Variants in ERC2 observed in about 807,000 individuals in gnomAD.
ERC2 encodes ELKS/RAB6-interacting/CAST family member 2.
Under a neutral mutation model 114.8 loss-of-function variants are expected in ERC2, and 42 were observed. The observed-to-expected ratio is 0.37, with a 90% CI of 0.29 to 0.47. The LOEUF (loss-of-function observed/expected upper bound fraction) is 0.47, where lower values mean the gene tolerates loss of function less well. ERC2 is among the 20% of genes least tolerant of loss of function. The pLI is 0.99. For synonymous variants in ERC2, 454 were observed against 425.5 expected (o/e 1.07, Z -0.82); for missense variants, 939 against 1,150.7 (o/e 0.82, Z 2.66).
At chr3:55,627,296 C>T (rs1177244525) in intron 17 of ERC2, among the ~76,000 whole-genome samples, 4 of 151,982 alleles carry the variant, frequency 2.6e-5, no homozygotes, top group African/African-American at 7.2e-5. Context: ...GGTGAAACCC[C>T]ATCTCTACAA....
intron 3 of ERC2, among the ~76,000 whole-genome samples, chr3:56,236,336 T>C (rs2050945256): frequency 6.6e-6 from 1 of 152,200 alleles, no homozygotes; most frequent in Non-Finnish European, 1.5e-5. Context: ...ATCAACTTTT[T>C]TTCCTCTCCA....
intron 6 of ERC2, among the ~76,000 whole-genome samples, chr3:56,130,341 A>T (rs527821062): frequency 6.6e-6 from 1 of 152,286 alleles, no homozygotes; most frequent in South Asian, 2.1e-4. Flanking sequence ...GGACGAATTC[A>T]TGTACACCCA....
At chr3:55,668,813 T>C (rs988252326) in intron 17 of ERC2, among the ~76,000 whole-genome samples, 2 of 152,160 alleles carry the variant, frequency 1.3e-5, no homozygotes, top group African/African-American at 4.8e-5. Context: ...GAACCTCACA[T>C]TGAGAGATGA....
chr3:56,283,341 C>T (rs528113965), intron 3 of ERC2, among the ~76,000 whole-genome samples: 29 of 152,278 alleles, frequency 1.9e-4, no homozygotes, highest in African/African-American at 7.0e-4. Flanking sequence ...CATTAAGAGT[C>T]ATTTCTCGGC....
At chr3:55,765,055 C>T (rs2067682715) in intron 14 of ERC2, among the ~76,000 whole-genome samples, 1 of 152,150 alleles carries the variant, frequency 6.6e-6, no homozygotes, top group African/African-American at 2.4e-5. Flanking sequence ...TTTAATCCAA[C>T]AGGAGATCGC....
At chr3:55,771,963 T>C (rs980868747) in intron 14 of ERC2, among the ~76,000 whole-genome samples, 1 of 152,088 alleles carries the variant, frequency 6.6e-6, no homozygotes, top group Admixed American at 6.5e-5. Flanking sequence ...GAAATATCCA[T>C]CAGCGACCTG....
intron 3 of ERC2, among the ~76,000 whole-genome samples, chr3:56,215,921 A>T (rs2049437536): frequency 1.3e-5 from 2 of 152,376 alleles, no homozygotes; most frequent in East Asian, 3.9e-4. Context: ...TGAAGGCAGA[A>T]ATAAAGATGT....
At chr3:56,332,365 A>G (rs1284221148) in intron 2 of ERC2, among the ~76,000 whole-genome samples, 1 of 152,172 alleles carries the variant, frequency 6.6e-6, no homozygotes, top group Non-Finnish European at 1.5e-5. Context: ...TTTGTTACTG[A>G]ACACCTGCTG....
chr3:56,284,619 G>A (rs552220817), intron 3 of ERC2, among the ~76,000 whole-genome samples: 5 of 152,256 alleles, frequency 3.3e-5, no homozygotes, highest in African/African-American at 1.2e-4. Flanking sequence ...AGACACAAAG[G>A]CCATTTAGGG....
rs1213726007 is a variant in ERC2 at position 55,813,704 on chromosome 3, C to CA, written c.2564+74684dup. Among the ~76,000 whole-genome samples, 4 of 152,202 alleles carry CA rather than the reference C, an allele frequency of 2.6e-5. No individual in the cohort carries two copies. The East Asian group carries it at 7.7e-4, about 29-fold the overall frequency. On this transcript the variant is annotated intron_variant, in intron 14 of 17. Transcript: ENST00000288221. ...ATGAAGAAATAAAAATTATGTAACA[C>CA]AAAAATGTTCAGCATGTGTAAATAG...
chr3:55,733,451 TTCTCTCTC>T (rs369451798), intron 15 of ERC2, among the ~76,000 whole-genome samples: 2 of 96,502 alleles, frequency 2.1e-5, no homozygotes, highest in Admixed American at 1.0e-4. Flanking sequence ...CTGTCTCTCA[TTCTCTCTC>T]TCTCTCACAC....
At chr3:55,733,531 T>TCTCTCTCTC (rs1559567330) in intron 15 of ERC2, among the ~76,000 whole-genome samples, 1 of 58,522 alleles carries the variant, frequency 1.7e-5, no homozygotes, top group African/African-American at 4.3e-5. Flanking sequence ...CTCTCATTCT[T>TCTCTCTCTC]TCTCTCTCTC....
chr3:56,078,103 C>T (rs2077061009), intron 7 of ERC2, among the ~76,000 whole-genome samples: 1 of 152,180 alleles, frequency 6.6e-6, no homozygotes, highest in South Asian at 2.1e-4. Flanking sequence ...TCCCACGTAT[C>T]CTAGACAGCC....
At chr3:55,919,062 C>G (rs1398968261) in intron 13 of ERC2, among the ~76,000 whole-genome samples, 1 of 152,038 alleles carries the variant, frequency 6.6e-6, no homozygotes, top group Non-Finnish European at 1.5e-5. Context: ...ATATGGCAAC[C>G]ATTACCAAAA....
In ERC2 at chr3:55,515,162, G is replaced by A. The variant is rs369775970; in HGVS notation, c.*40-3886C>T. On this transcript the variant is annotated intron_variant, in intron 17 of 17. Coordinates refer to ENST00000288221, the MANE Select transcript of ERC2 (RefSeq NM_015576.3). ...TTAAGTGACTGATGACAATTATGAC[G>A]TCAATCTTTATTTTCTTTTGATAGG... 2.5e-4 allele frequency among the ~76,000 whole-genome samples: 38 copies of A among 152,272 alleles called. No individual in the cohort carries two copies. The East Asian group carries it at 4.3e-3, about 17-fold the overall frequency.
At chr3:56,106,197 C>G (rs572981588) in intron 6 of ERC2, among the ~76,000 whole-genome samples, 87 of 152,132 alleles carry the variant, frequency 5.7e-4, no homozygotes, top group Non-Finnish European at 1.1e-3. Context: ...TTGAGAAGGG[C>G]CTGCCTGTTC....
chr3:56,390,535 G>A (rs1271819294), intron 2 of ERC2, among the ~76,000 whole-genome samples: 1 of 152,136 alleles, frequency 6.6e-6, no homozygotes, highest in South Asian at 2.1e-4. Flanking sequence ...CCAAAACTAG[G>A]TTTAGAGGGG....
intron 5 of ERC2, among the ~76,000 whole-genome samples, chr3:56,144,629 GGGTTTA>G (rs1426344304): frequency 6.6e-6 from 1 of 152,196 alleles, no homozygotes; most frequent in Admixed American, 6.5e-5. Flanking sequence ...ATAGACAATA[GGGTTTA>G]GTCAGGAGGA....
intron 3 of ERC2, among the ~76,000 whole-genome samples, chr3:56,247,199 C>G (rs2051768969): frequency 6.6e-6 from 1 of 152,178 alleles, no homozygotes; most frequent in Non-Finnish European, 1.5e-5. Flanking sequence ...GTGCATCACA[C>G]AGCAAACATT....
Sources: gnomAD v4.1 joint callset for allele counts (sites outside exome capture counted in the v4.1 genomes callset) on GRCh38, gnomAD v4.1.1 for gene constraint, MANE v1.5 for transcripts, NCBI Gene and HGNC (gene_info 2026-07-23, HGNC 2026-07-21) for gene names.